The following ATP6V1C2 variants were observed in gnomAD, a reference collection of about 807,000 sequenced individuals.
The protein encoded by ATP6V1C2 is V-type proton ATPase subunit C 2.
A neutral mutation model predicts 56.8 loss-of-function variants in ATP6V1C2; 45 were observed. That is an observed-to-expected ratio of 0.79 (90% CI 0.62 to 1.02). ATP6V1C2 has a LOEUF of 1.02. ATP6V1C2 is among the 50% of genes least tolerant of loss of function. The pLI is 0.00. For missense variants in ATP6V1C2, 463 were observed against 519.7 expected (o/e 0.89, Z 1.06); for synonymous variants, 220 against 201.3 (o/e 1.09, Z -0.79).
intron 3 of ATP6V1C2, among the ~76,000 whole-genome samples, chr2:10,743,591 T>C (rs1662681872): frequency 6.7e-6 from 1 of 150,356 alleles, no homozygotes; most frequent in East Asian, 2.0e-4. Context: ...ACACCTGTAA[T>C]CCCAGCACTA....
intron 13 of ATP6V1C2, 104 bp downstream of exon 13, chr2:10,782,479 C>A: frequency 7.6e-7 from 1 of 1,323,500 alleles, no homozygotes; most frequent in Non-Finnish European, 1.0e-6. Context: ...GTAGGTGGAT[C>A]ACTTGAGGTC....
At chr2:10,721,120 G>T (rs1017949357), upstream of ATP6V1C2, among the ~76,000 whole-genome samples, 10 of 152,152 alleles carry the variant, frequency 6.6e-5, no homozygotes, top group African/African-American at 1.9e-4. Flanking sequence ...GAAAAGCTTC[G>T]CTGTCTACGC....
At position 10,742,053 on chromosome 2, in the gene ATP6V1C2, G is replaced by A. The variant is rs1028442704; in HGVS notation, c.198-11928G>A. On this transcript the variant is annotated intron_variant, in intron 3 of 13. Transcript: ENST00000272238. ...GCCTCCCGAGTAGCTGGGATTACAG[G>A]CACGCACCACCACACCCAGCTAATT... Among the ~76,000 whole-genome samples, 3 of 152,162 alleles carry A rather than the reference G, an allele frequency of 2.0e-5. No homozygotes were observed. The East Asian group carries it at 5.8e-4, about 29-fold the overall frequency.
chr2:10,764,167 C>T lies in ATP6V1C2; in HGVS notation c.284-164C>T, dbSNP rs187725358. On this transcript the variant is annotated intron_variant, in intron 4 of 13. Transcript: ENST00000272238. The stretch of plus-strand genomic sequence containing the variant: ...TCCCACTGGCTCACAGCTCCCCGCT[C>T]CCGCAGGGAACGTTTGCTTTTCCAG... Among the ~76,000 whole-genome samples the T allele has an allele frequency of 1.0e-3, 156 of 152,324 alleles. 1 individual carries two copies. Among genetic ancestry groups the T allele is most frequent in the Admixed American group, 2.4e-3 (36 of 15,306 alleles).
At chr2:10,741,417 C>T (rs1662541898) in intron 3 of ATP6V1C2, among the ~76,000 whole-genome samples, 1 of 92,758 alleles carries the variant, frequency 1.1e-5, no homozygotes, top group South Asian at 4.9e-4. Flanking sequence ...GCTCCTGAGT[C>T]ACCAGGGGAG....
intron 4 of ATP6V1C2, among the ~76,000 whole-genome samples, chr2:10,759,689 G>T (rs993488336): frequency 2.6e-5 from 4 of 152,162 alleles, no homozygotes; most frequent in Non-Finnish European, 5.9e-5. Context: ...AGTACAGAAG[G>T]CCGGAGGGGC....
At chr2:10,765,787 G>A (rs545874010) in intron 5 of ATP6V1C2, among the ~76,000 whole-genome samples, 1 of 152,330 alleles carries the variant, frequency 6.6e-6, no homozygotes, top group Non-Finnish European at 1.5e-5. Context: ...GCCTCACCAT[G>A]TGCCAATTTG....
At chr2:10,750,944 ACATAGTAGTTGTTAGTGCTTGGTG>A (rs1249304396) in intron 3 of ATP6V1C2, among the ~76,000 whole-genome samples, 8 of 151,996 alleles carry the variant, frequency 5.3e-5, no homozygotes, top group African/African-American at 1.7e-4. Flanking sequence ...AGTGCTTGGT[ACATAGTAGTTGTTAGTGCTTGGTG>A]CATAGTAGTT....
chr2:10,736,111 G>A lies in ATP6V1C2; in HGVS notation c.197+9542G>A, dbSNP rs114915267. Among the ~76,000 whole-genome samples the A allele has an allele frequency of 7.5e-3, 1,135 of 152,194 alleles. 18 individuals carry two copies. Among genetic ancestry groups the A allele is most frequent in the African/African-American group, 0.027 (1,107 of 41,524 alleles). The stretch of plus-strand genomic sequence containing the variant: ...AAAATACATCACTGGTCTCCACCCC[G>A]AGAATCTGTGATTCAGGAGGTCTGA... On this transcript the variant is annotated intron_variant, in intron 3 of 13. Transcript: ENST00000272238.
chr2:10,750,701 C>G (rs1663160781), intron 3 of ATP6V1C2, among the ~76,000 whole-genome samples: 1 of 152,186 alleles, frequency 6.6e-6, no homozygotes, highest in South Asian at 2.1e-4. Flanking sequence ...TGCTGTGAGT[C>G]AGGCACTGTG....
In ATP6V1C2 at chr2:10,769,631, C is replaced by A. The variant is rs185706721; in HGVS notation, c.470+821C>A. On this transcript the variant is annotated intron_variant, in intron 6 of 13. Coordinates refer to ENST00000272238, the MANE Select transcript of ATP6V1C2 (RefSeq NM_001039362.2). ...AGGCACGAGGATCACTTGAACCTGG[C>A]AGACAGAGGTTGCAGTGAGCTGAGA... Among the ~76,000 whole-genome samples the A allele has an allele frequency of 2.3e-3, 349 of 151,980 alleles. 1 individual carries two copies. The highest frequency in any genetic ancestry group is 7.7e-3 in the African/African-American group (321 of 41,446).
At chr2:10,741,659 C>A (rs1259687867) in intron 3 of ATP6V1C2, among the ~76,000 whole-genome samples, 2 of 152,118 alleles carry the variant, frequency 1.3e-5, no homozygotes, top group African/African-American at 2.4e-5. Flanking sequence ...GGGTCAGGAC[C>A]AGCTGACATG....
chr2:10,761,573 G>A (rs1402076647), intron 4 of ATP6V1C2, among the ~76,000 whole-genome samples: 1 of 152,192 alleles, frequency 6.6e-6, no homozygotes, highest in Non-Finnish European at 1.5e-5. Flanking sequence ...CTGGACTGCT[G>A]TCACAAAATA....
Position 10,782,774 on chromosome 2 carries a change from T to C in ATP6V1C2, c.1194+399T>C, listed in dbSNP as rs140595508. The stretch of plus-strand genomic sequence containing the variant: ...TGAACCTGGGAGGCGGAGGTTGCAG[T>C]GAGCTGAGATCACGCCACTACACTC... On this transcript the variant is annotated intron_variant, in intron 13 of 13. Transcript: ENST00000272238. 4.0e-3 allele frequency among the ~76,000 whole-genome samples: 533 copies of C among 132,810 alleles called. 5 individuals are homozygous for C. Among genetic ancestry groups the C allele is most frequent in the African/African-American group, 0.015 (516 of 35,170 alleles). 87.1% of individuals were successfully genotyped at this position (132,810 alleles called of 152,430 possible). A position where few individuals can be genotyped will look rare whatever the true frequency, so the allele number is the denominator to read the frequency against.
chr2:10,768,608 A>G, intron 5 of ATP6V1C2, 111 bp from the exon 6 acceptor site: 2 of 864,716 alleles, frequency 2.3e-6, no homozygotes, highest in Non-Finnish European at 3.8e-6. Context: ...GCAAATGGGC[A>G]GGGCAGTTAT....
intron 5 of ATP6V1C2, chr2:10,768,331 C>T (rs975945019): frequency 4.4e-5 from 9 of 205,700 alleles, no homozygotes; most frequent in East Asian, 2.9e-4. Flanking sequence ...TCGGCACAGC[C>T]GAGCCAGGAG....
intron 2 of ATP6V1C2, among the ~76,000 whole-genome samples, chr2:10,725,062 G>C (rs1020509093): frequency 1.3e-5 from 2 of 151,660 alleles, no homozygotes; most frequent in Admixed American, 6.6e-5. Flanking sequence ...TTTTCTTTCT[G>C]ATTCTGTGAA....
intron 10 of ATP6V1C2, among the ~76,000 whole-genome samples, 165 bp downstream of exon 10, chr2:10,775,236 G>T (rs544270992): frequency 6.6e-6 from 1 of 152,348 alleles, no homozygotes; most frequent in South Asian, 2.1e-4. Context: ...GCAGGGTCTG[G>T]GGGGAGGGGC....
intron 3 of ATP6V1C2, among the ~76,000 whole-genome samples, chr2:10,737,762 C>T (rs558108086): frequency 3.3e-5 from 5 of 152,304 alleles, no homozygotes; most frequent in East Asian, 3.9e-4. Context: ...CAATCTCTCT[C>T]GGCTCACTGC....
Sources: gnomAD v4.1 joint callset for allele counts (sites outside exome capture counted in the v4.1 genomes callset) on GRCh38, gnomAD v4.1.1 for gene constraint, MANE v1.5 for transcripts, NCBI Gene and HGNC (gene_info 2026-07-23, HGNC 2026-07-21) for gene names.